Variants in ZFHX3 observed in about 807,000 individuals in gnomAD.
ZFHX3 encodes zinc finger homeobox 3.
A neutral mutation model predicts 279.1 loss-of-function variants in ZFHX3; 42 were observed. That is an observed-to-expected ratio of 0.15 (90% CI 0.12 to 0.19). The LOEUF (loss-of-function observed/expected upper bound fraction) is 0.19, where lower values mean the gene tolerates loss of function less well. Ranked by LOEUF, ZFHX3 falls within the 10% of genes least tolerant of loss-of-function variation. ZFHX3 has a pLI of 1.00. For missense variants in ZFHX3, 4,981 were observed against 4,754.0 expected, an observed-to-expected ratio of 1.05 and a Z score of -1.40; for synonymous variants, 2,293 against 1,957.8, an observed-to-expected ratio of 1.17 and a Z score of -4.52.
chr16:73,838,698 T>C (rs1423878621), intron 1 of ZFHX3, among the ~76,000 whole-genome samples: 1 of 152,026 alleles, frequency 6.6e-6, no homozygotes, highest in East Asian at 1.9e-4. Flanking sequence ...GAAGGATATG[T>C]GATTTAGTGA....
At chr16:73,624,273 T>C (rs2052395098) in intron 2 of ZFHX3, among the ~76,000 whole-genome samples, 1 of 152,216 alleles carries the variant, frequency 6.6e-6, no homozygotes, top group Non-Finnish European at 1.5e-5. Context: ...AAAAAAATTC[T>C]TTAGCTGTTT....
intron 4 of ZFHX3, among the ~76,000 whole-genome samples, chr16:72,857,982 C>T (rs1385383812): frequency 2.0e-5 from 3 of 152,222 alleles, no homozygotes; most frequent in South Asian, 4.1e-4. Flanking sequence ...GACCAGGGCC[C>T]GCTGCTCCTC....
intron 2 of ZFHX3, among the ~76,000 whole-genome samples, chr16:73,649,764 G>A (rs1338778328): frequency 6.6e-6 from 1 of 152,116 alleles, no homozygotes; most frequent in Non-Finnish European, 1.5e-5. Context: ...GCAGATAGCT[G>A]GGCAAGCCTC....
intron 3 of ZFHX3, among the ~76,000 whole-genome samples, chr16:72,911,422 C>T (rs1378963631): frequency 6.6e-6 from 1 of 152,188 alleles, no homozygotes; most frequent in Non-Finnish European, 1.5e-5. Flanking sequence ...AAGTCACTTA[C>T]ATTTGGATTT....
At chr16:73,848,054 C>T (rs111851399) in intron 1 of ZFHX3, among the ~76,000 whole-genome samples, 4 of 151,818 alleles carry the variant, frequency 2.6e-5, no homozygotes, top group East Asian at 1.9e-4. Flanking sequence ...CCACCGCGCC[C>T]GGCCAATATT....
chr16:73,807,519 A>G (rs1258759127), intron 1 of ZFHX3, among the ~76,000 whole-genome samples: 11 of 151,932 alleles, frequency 7.2e-5, no homozygotes, highest in Admixed American at 6.6e-4. Context: ...CAGTAGCACA[A>G]TCATAGCTCA....
intron 3 of ZFHX3, among the ~76,000 whole-genome samples, chr16:72,918,989 C>T (rs976630971): frequency 6.6e-6 from 1 of 152,078 alleles, no homozygotes; most frequent in African/African-American, 2.4e-5. Flanking sequence ...AGCCACCGCA[C>T]CCGGCCTGTT....
intron 1 of ZFHX3, among the ~76,000 whole-genome samples, chr16:72,978,609 G>A (rs1429657740): frequency 1.3e-5 from 2 of 152,170 alleles, no homozygotes; most frequent in Non-Finnish European, 2.9e-5. Context: ...CACGCTGCTG[G>A]CCTAGGAGAG....
At chr16:73,655,374 A>C (rs1460823623) in intron 2 of ZFHX3, among the ~76,000 whole-genome samples, 1 of 152,238 alleles carries the variant, frequency 6.6e-6, no homozygotes, top group Non-Finnish European at 1.5e-5. Flanking sequence ...ACATAATTGT[A>C]CATGTAGAAA....
chr16:72,843,659 A>G (rs907364156), intron 4 of ZFHX3, among the ~76,000 whole-genome samples: 1 of 152,112 alleles, frequency 6.6e-6, no homozygotes, highest in Non-Finnish European at 1.5e-5. Context: ...AGCCATGGGC[A>G]GTGTGGGCGG....
At chr16:73,515,934 G>C (rs1203232546) in intron 2 of ZFHX3, among the ~76,000 whole-genome samples, 1 of 152,190 alleles carries the variant, frequency 6.6e-6, no homozygotes, top group Non-Finnish European at 1.5e-5. Context: ...CTGTGCAAAT[G>C]CAAACACATT....
At chr16:73,278,196 CA>C (rs1342604075) in intron 4 of ZFHX3, among the ~76,000 whole-genome samples, 1 of 152,118 alleles carries the variant, frequency 6.6e-6, no homozygotes, top group Non-Finnish European at 1.5e-5. Context: ...AGAAGTTTCT[CA>C]AACTAAATAA....
intron 4 of ZFHX3, among the ~76,000 whole-genome samples, chr16:72,888,362 G>A (rs1454936105): frequency 6.6e-6 from 1 of 152,222 alleles, no homozygotes; most frequent in East Asian, 1.9e-4. Context: ...AGAAGAAAAA[G>A]AAGTGTGGCA....
At chr16:73,376,994 GAC>G (rs2016734378) in intron 3 of ZFHX3, among the ~76,000 whole-genome samples, 1 of 130,338 alleles carries the variant, frequency 7.7e-6, no homozygotes, top group Admixed American at 8.1e-5. Flanking sequence ...TTTTTTGAGA[GAC>G]AGAGTCACTC....
intron 1 of ZFHX3, among the ~76,000 whole-genome samples, chr16:72,966,524 A>G (rs570953788): frequency 5.3e-5 from 8 of 152,306 alleles, no homozygotes; most frequent in South Asian, 2.1e-4. Flanking sequence ...ACTACTCTGT[A>G]CCTGTTGGAG....
intron 3 of ZFHX3, among the ~76,000 whole-genome samples, chr16:72,924,524 G>A: frequency 6.6e-6 from 1 of 152,174 alleles, no homozygotes; most frequent in East Asian, 1.9e-4. Context: ...CAGCAGATGG[G>A]ATGAGATGCT....
chr16:73,356,232 A>G (rs748974437), intron 3 of ZFHX3, among the ~76,000 whole-genome samples: 3 of 152,132 alleles, frequency 2.0e-5, no homozygotes, highest in Non-Finnish European at 4.4e-5. Flanking sequence ...CAAACACAAG[A>G]CAGGACCTAA....
intron 5 of ZFHX3, among the ~76,000 whole-genome samples, chr16:73,237,744 A>T (rs1166158918): frequency 1.3e-5 from 2 of 151,648 alleles, no homozygotes; most frequent in East Asian, 3.9e-4. Context: ...CTCATAGCCT[A>T]TGTTATTTGT....
At chr16:72,841,666 C>T (rs1376984699) in intron 4 of ZFHX3, among the ~76,000 whole-genome samples, 7 of 152,214 alleles carry the variant, frequency 4.6e-5, no homozygotes, top group Non-Finnish European at 1.0e-4. Flanking sequence ...CCCACAGCTA[C>T]TAAACTGCCC....
Sources: gnomAD v4.1 joint callset for allele counts (sites outside exome capture counted in the v4.1 genomes callset) on GRCh38, gnomAD v4.1.1 for gene constraint, MANE v1.5 for transcripts, NCBI Gene and HGNC (gene_info 2026-07-23, HGNC 2026-07-21) for gene names.